EHMT2: variants seen among roughly 807,000 people sequenced by gnomAD.
EHMT2 encodes histone-lysine N-methyltransferase EHMT2.
In EHMT2, 59 loss-of-function variants were observed where a neutral mutation model predicts 143.3. The observed-to-expected ratio is 0.41, with a 90% CI of 0.33 to 0.51. EHMT2 has a LOEUF of 0.51. Among genes scored for constraint, EHMT2 ranks in the 20% least tolerant of loss-of-function variants. The probability of loss-of-function intolerance (pLI) is 0.18; values close to 1 mark genes in which losing one functional copy is unlikely to be tolerated. For synonymous variants in EHMT2, 604 were observed against 651.5 expected (o/e 0.93, Z 1.11); for missense variants, 1,174 against 1,645.9 (o/e 0.71, Z 4.96).
In EHMT2 at chr6:31,889,648, C is replaced by G. The variant is rs1765429592; in HGVS notation, c.865-46G>C. On this transcript the variant is annotated intron_variant, in intron 7 of 27. Coordinates refer to ENST00000375537, the Ensembl canonical transcript of EHMT2. This position sits in a 1 kb window ranked among gnomAD's most constrained non-coding sequence, Gnocchi z 5.1. ...ACATATCCAACCCCCAGGACTCAGA[C>G]AATGAGGTGAGTAAAGAAAACCACC... 6.2e-7 allele frequency: 1 copy of G among 1,603,050 alleles called. No homozygotes were observed.
At chr6:31,885,338 C>T (rs1180180681) in intron 18 of EHMT2, 6 of 208,986 alleles carry the variant, frequency 2.9e-5, no homozygotes, top group South Asian at 1.2e-4. Context: ...ATTAGCTGGG[C>T]GTGGTGGCAG....
rs552693751 is a variant in EHMT2, at chr6:31,890,558, T to A, written c.865-956A>T. ...GAGCCACCACGCCTGGGCCAAAAAA[T>A]TTTTTTTTAGAAGATGAGGAAATCA... is the stretch of plus-strand genomic sequence containing the variant. On this transcript the variant is annotated intron_variant, in intron 7 of 27. Coordinates refer to ENST00000375537, the Ensembl canonical transcript of EHMT2. Among the ~76,000 whole-genome samples the A allele has an allele frequency of 6.7e-3, 947 of 141,090 alleles. 8 individuals are homozygous for A. Among genetic ancestry groups the A allele is most frequent in the African/African-American group, 0.022 (880 of 39,948 alleles). The allele number at this position is 141,090 out of a possible 152,430, so 92.6% of individuals were successfully genotyped here.
At position 31,888,850 on chromosome 6, in the gene EHMT2, C is replaced by A; in HGVS notation, c.1217-103G>T. 2.0e-6 allele frequency: 3 copies of A among 1,526,938 alleles called. No homozygotes were observed. The South Asian group carries it at 3.6e-5, about 18-fold the overall frequency. 94.6% of individuals were successfully genotyped at this position (1,526,938 alleles called of 1,614,324 possible). A position where few individuals can be genotyped will look rare whatever the true frequency, so the allele number is the denominator to read the frequency against. ...CTCCCTACCCCACCCCGCCATGCCC[C>A]AGAACCCCTAAAGCCTGGCCATGGA... On this transcript the variant is annotated intron_variant, in intron 10 of 27. Transcript: ENST00000375537. The surrounding 1 kb of genome is among the most constrained non-coding windows in gnomAD (Gnocchi z 7.4).
rs770354149 is a variant in EHMT2, at chr6:31,883,052, A to C, written c.2995-43T>G. 6.4e-7 allele frequency: 1 copy of C among 1,561,596 alleles called. No homozygotes were observed. Among genetic ancestry groups the C allele is most frequent in the South Asian group, 1.1e-5 (1 of 88,578 alleles). On this transcript the variant is annotated intron_variant, in intron 23 of 27. Transcript: ENST00000375537. This position sits in a 1 kb window ranked among gnomAD's most constrained non-coding sequence, Gnocchi z 5.6. ...GGATAGTGGTTTCTCTGTGGGGCCC[A>C]CCTCAGCTGCCCACCCAGGAACCCC...
chr6:31,887,006 C>T (rs1764950122), exon 16 of EHMT2: 1 of 1,613,928 alleles, frequency 6.2e-7, no homozygotes, highest in Non-Finnish European at 8.5e-7. Flanking sequence ...TGCAGCAGCA[C>T]ATGGCAGATC....
In EHMT2 at chr6:31,881,358, G is replaced by A; in HGVS notation, c.3198-266C>T. ...TGTAGGGGCAGTTGGCCTGGGTGGG[G>A]AAGTTCGGGTTTGGACACAGAGAGG... is the stretch of plus-strand genomic sequence containing the variant. On this transcript the variant is annotated intron_variant, in intron 25 of 27. Coordinates refer to ENST00000375537, the Ensembl canonical transcript of EHMT2. The surrounding 1 kb of genome is among the most constrained non-coding windows in gnomAD (Gnocchi z 4.8). The A allele has an allele frequency of 1.8e-6, 1 of 569,784 alleles. No homozygotes were observed. 35.3% of individuals were successfully genotyped at this position (569,784 alleles called of 1,614,324 possible).
rs777069232 is a variant in EHMT2, at chr6:31,880,632, C to T, written c.3452+41G>A. 21 of 1,604,402 alleles carry T rather than the reference C, an allele frequency of 1.3e-5. No individual in the cohort carries two copies. The South Asian group carries it at 2.3e-4, about 18-fold the overall frequency. On this transcript the variant is annotated intron_variant, in intron 27 of 27. Transcript: ENST00000375537. The surrounding 1 kb of genome is among the most constrained non-coding windows in gnomAD (Gnocchi z 6.6). The stretch of plus-strand genomic sequence containing the variant: ...TCAGGTCCCAGGTTTGCTGCATCTC[C>T]CACCCCCTGGCAGAGCCCCTAGAGA...
At position 31,888,764 on chromosome 6, in the gene EHMT2, G is replaced by GA; in HGVS notation, c.1217-18dup. The GA allele has an allele frequency of 6.2e-7, 1 of 1,611,056 alleles. No homozygotes were observed. Among genetic ancestry groups the GA allele is most frequent in the South Asian group, 1.1e-5 (1 of 91,012 alleles). On this transcript the variant is annotated splice_polypyrimidine_tract_variant and intron_variant, in intron 10 of 27. Transcript: ENST00000375537. This position sits in a 1 kb window ranked among gnomAD's most constrained non-coding sequence, Gnocchi z 7.4. ...TGGACACCCCTTGGATGGAGGAAAA[G>GA]AGGAGCTGAGGGAGGCTCTGCACCT... is the stretch of plus-strand genomic sequence containing the variant.
At chr6:31,893,555 G>A (rs1302273705) in intron 4 of EHMT2, 2 of 271,720 alleles carry the variant, frequency 7.4e-6, no homozygotes, top group Non-Finnish European at 1.5e-5. Context: ...TTGAACTCCT[G>A]GTGTCAAGTG....
At chr6:31,882,138 G>A (rs1267072451) in intron 25 of EHMT2, among the ~76,000 whole-genome samples, 2 of 148,926 alleles carry the variant, frequency 1.3e-5, no homozygotes, top group African/African-American at 4.9e-5. Context: ...AAAAAAAAGA[G>A]CCAAAGGAGA....
chr6:31,884,369 G>A lies in EHMT2; in HGVS notation c.2771+23C>T. 6.2e-7 allele frequency: 1 copy of A among 1,600,396 alleles called. No individual in the cohort carries two copies. The highest frequency in any genetic ancestry group is 1.1e-5 in the South Asian group (1 of 90,328). On this transcript the variant is annotated intron_variant, in intron 21 of 27. Coordinates refer to ENST00000375537, the Ensembl canonical transcript of EHMT2. This position sits in a 1 kb window ranked among gnomAD's most constrained non-coding sequence, Gnocchi z 7.3. ...GGGTGGGGAGGAGGTGGTCTTGGGT[G>A]CAGAGAGGGGCCCAGGGCTCACCGG...
At chr6:31,896,153 C>A in intron 4 of EHMT2, 110 bp downstream of exon 4, 3 of 1,449,158 alleles carry the variant, frequency 2.1e-6, no homozygotes, top group African/African-American at 2.8e-5. Flanking sequence ...CACAGCAGCC[C>A]CTTGCTTAAA....
rs11543302 is a variant in EHMT2 at position 31,880,070 on chromosome 6, G to C, written c.*14C>G. 1 of 1,609,200 alleles carries C rather than the reference G, an allele frequency of 6.2e-7. No homozygotes were observed. The highest frequency in any genetic ancestry group is 8.5e-7 in the Non-Finnish European group (1 of 1,177,926). ...GTGGCCATCCATGCTGGGGAGAGAG[G>C]GTGTGGTCCGTTCTCATGTGTTGAC... On this transcript the variant is annotated 3_prime_UTR_variant, in exon 28 of 28. Coordinates refer to ENST00000375537, the Ensembl canonical transcript of EHMT2. The surrounding 1 kb of genome is among the most constrained non-coding windows in gnomAD (Gnocchi z 6.6).
In EHMT2 at chr6:31,880,666, G is replaced by A. The variant is rs1267608366; in HGVS notation, c.3452+7C>T. ...GGCAGAGCCCCTAGAGACCCCTAGA[G>A]TCTCACCCTAGCTCCTCCCCAGTCC... On this transcript the variant is annotated splice_region_variant and intron_variant, in intron 27 of 27. Transcript: ENST00000375537. The surrounding 1 kb of genome is among the most constrained non-coding windows in gnomAD (Gnocchi z 6.6). The A allele has an allele frequency of 6.2e-7, 1 of 1,613,372 alleles. No homozygotes were observed. The highest frequency in any genetic ancestry group is 8.5e-7 in the Non-Finnish European group (1 of 1,179,964).
chr6:31,883,647 G>A lies in EHMT2; in HGVS notation c.2916+159C>T. 6 of 1,167,428 alleles carry A rather than the reference G, an allele frequency of 5.1e-6. No individual in the cohort carries two copies. The South Asian group carries it at 8.5e-5, about 17-fold the overall frequency. The allele number at this position is 1,167,428 out of a possible 1,614,324, so 72.3% of individuals were successfully genotyped here. The stretch of plus-strand genomic sequence containing the variant: ...TCATATGATACCTTGCTGTGACCTA[G>A]GAAAAGGATCCCTCCCCTGGTGGGG... On this transcript the variant is annotated intron_variant, in intron 22 of 27. Transcript: ENST00000375537. The surrounding 1 kb of genome is among the most constrained non-coding windows in gnomAD (Gnocchi z 5.6).
In EHMT2 at chr6:31,883,962, G is replaced by A. The variant is rs748705344; in HGVS notation, c.2772-12C>T. 9.3e-6 allele frequency: 15 copies of A among 1,612,344 alleles called. No homozygotes were observed. The highest frequency in any genetic ancestry group is 3.3e-5 in the Admixed American group (2 of 59,918). On this transcript the variant is annotated splice_polypyrimidine_tract_variant and intron_variant, in intron 21 of 27. Coordinates refer to ENST00000375537, the Ensembl canonical transcript of EHMT2. The surrounding 1 kb of genome is among the most constrained non-coding windows in gnomAD (Gnocchi z 5.6). ...CCCGAGCCACGTCCCTGCAGAAGACGGGAAGAAGGGGCTGGGAAGCTGGAA... is the reference window on the plus strand; with the variant it reads ...CCCGAGCCACGTCCCTGCAGAAGACAGGAAGAAGGGGCTGGGAAGCTGGAA...
chr6:31,891,109 A>T (rs1250759980), intron 7 of EHMT2, among the ~76,000 whole-genome samples: 1 of 151,706 alleles, frequency 6.6e-6, no homozygotes, highest in Admixed American at 6.6e-5. Flanking sequence ...CGTCCAGCTA[A>T]TTTTGTATTT....
chr6:31,887,696 G>C, intron 14 of EHMT2, 37 bp from the exon 15 acceptor site: 1 of 1,610,518 alleles, frequency 6.2e-7, no homozygotes, highest in Non-Finnish European at 8.5e-7. Flanking sequence ...GAGAAGGGGA[G>C]CTCCTCAGAT....
At chr6:31,890,946 A>T (rs915132544) in intron 7 of EHMT2, among the ~76,000 whole-genome samples, 63 of 145,714 alleles carry the variant, frequency 4.3e-4, no homozygotes, top group Middle Eastern at 7.2e-3. Flanking sequence ...ACAAAAAAAA[A>T]TTTTTTTTTT....
Sources: allele counts gnomAD v4.1 joint callset (sites outside exome capture counted in the v4.1 genomes callset), GRCh38; gene constraint gnomAD v4.1.1; non-coding constraint Gnocchi (gnomAD v3.1); transcripts MANE v1.5; gene names NCBI Gene and HGNC (gene_info 2026-07-23, HGNC 2026-07-21).